Variants in PTPRZ1 observed in about 807,000 individuals in gnomAD.
PTPRZ1 encodes protein tyrosine phosphatase receptor type Z1, also known as receptor-type tyrosine-protein phosphatase zeta.
Under a neutral mutation model 214.1 loss-of-function variants are expected in PTPRZ1, and 82 were observed. The ratio of observed to expected loss-of-function variants is 0.38; its 90% CI spans 0.32 to 0.46. PTPRZ1 has a LOEUF of 0.46. Ranked by LOEUF, PTPRZ1 falls within the 20% of genes least tolerant of loss-of-function variation. The probability of loss-of-function intolerance (pLI) is 1.00; values close to 1 mark genes in which losing one functional copy is unlikely to be tolerated. For missense variants in PTPRZ1, 2,603 were observed against 2,748.7 expected, an observed-to-expected ratio of 0.95 and a Z score of 1.19; for synonymous variants, 945 against 987.9, an observed-to-expected ratio of 0.96 and a Z score of 0.81.
intron 4 of PTPRZ1, among the ~76,000 whole-genome samples, chr7:121,975,100 T>C (rs1400836882): frequency 6.6e-6 from 1 of 152,032 alleles, no homozygotes; most frequent in Non-Finnish European, 1.5e-5. Flanking sequence ...GGTAGGAGGA[T>C]CACTTAAGCC....
intron 2 of PTPRZ1, among the ~76,000 whole-genome samples, chr7:121,967,345 T>C (rs1264713210): frequency 6.6e-6 from 1 of 152,160 alleles, no homozygotes; most frequent in Non-Finnish European, 1.5e-5. Flanking sequence ...AGCCTGATGA[T>C]TATGTTTTTG....
At chr7:121,998,801 G>A (rs188043311) in intron 10 of PTPRZ1, among the ~76,000 whole-genome samples, 51 of 152,080 alleles carry the variant, frequency 3.4e-4, no homozygotes, top group Middle Eastern at 3.4e-3. Flanking sequence ...AAATACATAC[G>A]TAAATATATA....
intron 1 of PTPRZ1, among the ~76,000 whole-genome samples, chr7:121,901,899 T>C (rs768618689): frequency 2.6e-5 from 4 of 152,158 alleles, no homozygotes; most frequent in Admixed American, 6.6e-5. Context: ...AAGAATACAA[T>C]ACATTATTGT....
intron 1 of PTPRZ1, among the ~76,000 whole-genome samples, chr7:121,890,250 C>G (rs978079806): frequency 4.6e-5 from 7 of 152,168 alleles, no homozygotes; most frequent in Non-Finnish European, 1.5e-5. Context: ...CCTCCCATCC[C>G]AACTCCTACT....
intron 2 of PTPRZ1, among the ~76,000 whole-genome samples, chr7:121,951,584 T>C (rs1796542703): frequency 6.6e-6 from 1 of 152,202 alleles, no homozygotes. Context: ...CCTTCCTCAG[T>C]ATTAATGAGT....
intron 1 of PTPRZ1, among the ~76,000 whole-genome samples, chr7:121,909,141 T>A (rs1795199646): frequency 6.6e-6 from 1 of 152,204 alleles, no homozygotes; most frequent in Non-Finnish European, 1.5e-5. Flanking sequence ...GACAAAGTTA[T>A]TTTTAGCCTA....
chr7:121,921,939 G>A (rs1301698774), intron 1 of PTPRZ1, among the ~76,000 whole-genome samples: 1 of 152,182 alleles, frequency 6.6e-6, no homozygotes, highest in Non-Finnish European at 1.5e-5. Context: ...GTCGTTGCAT[G>A]TATACTGAAT....
intron 23 of PTPRZ1, among the ~76,000 whole-genome samples, chr7:122,046,488 G>A (rs573490806): frequency 2.4e-4 from 36 of 152,272 alleles, no homozygotes; most frequent in African/African-American, 8.7e-4. Context: ...ACAGGATGCT[G>A]TAGGAGTACA....
At chr7:121,893,795 A>T (rs1297365747) in intron 1 of PTPRZ1, among the ~76,000 whole-genome samples, 1 of 152,180 alleles carries the variant, frequency 6.6e-6, no homozygotes, top group African/African-American at 2.4e-5. Flanking sequence ...CAACTTCTTA[A>T]TGATAGCCAA....
chr7:121,874,111 T>C (rs985231112), intron 1 of PTPRZ1, among the ~76,000 whole-genome samples: 1 of 151,316 alleles, frequency 6.6e-6, no homozygotes, highest in Non-Finnish European at 1.5e-5. Context: ...CTTTTCAGGG[T>C]TTTTTTTATT....
At chr7:121,950,520 C>T (rs1180131617) in intron 2 of PTPRZ1, among the ~76,000 whole-genome samples, 3 of 152,168 alleles carry the variant, frequency 2.0e-5, no homozygotes, top group Admixed American at 6.5e-5. Context: ...CAGAAACTGC[C>T]ATGTCTTCTC....
intron 29 of PTPRZ1, 104 bp from the exon 30 acceptor site, chr7:122,060,976 T>G (rs571306336): frequency 8.7e-7 from 1 of 1,148,504 alleles, no homozygotes; most frequent in Admixed American, 3.0e-5. Flanking sequence ...CACATTGCCC[T>G]TTCATGAACA....
chr7:121,960,528 TTATTA>T (rs1313669526), intron 2 of PTPRZ1, among the ~76,000 whole-genome samples: 1 of 152,214 alleles, frequency 6.6e-6, no homozygotes, highest in Non-Finnish European at 1.5e-5. Context: ...ATTGAGATTT[TTATTA>T]TATATCTATT....
At chr7:121,976,060 T>C in intron 4 of PTPRZ1, 113 bp from the exon 5 acceptor site, 1 of 616,176 alleles carries the variant, frequency 1.6e-6, no homozygotes. Context: ...GCAAATGTAG[T>C]TGTATACATG....
intron 1 of PTPRZ1, among the ~76,000 whole-genome samples, chr7:121,875,646 TG>T (rs1794034452): frequency 2.0e-5 from 3 of 152,264 alleles, no homozygotes; most frequent in African/African-American, 7.2e-5. Context: ...TTGTTGAGAC[TG>T]GAAGGTGACT....
chr7:122,058,328 C>G (rs1471871922), intron 27 of PTPRZ1, among the ~76,000 whole-genome samples: 1 of 151,936 alleles, frequency 6.6e-6, no homozygotes, highest in African/African-American at 2.4e-5. Flanking sequence ...AATTGGGATC[C>G]GAGTTGAACC....
intron 1 of PTPRZ1, among the ~76,000 whole-genome samples, chr7:121,906,423 T>G (rs1202347744): frequency 6.6e-6 from 1 of 152,174 alleles, no homozygotes; most frequent in East Asian, 1.9e-4. Flanking sequence ...ACTAATGTAC[T>G]AAAGGCTAAA....
At chr7:121,944,646 A>ATTT (rs67672769) in intron 2 of PTPRZ1, among the ~76,000 whole-genome samples, 6,003 of 150,658 alleles carry the variant, frequency 0.04, 138 homozygotes, top group East Asian at 0.084. Flanking sequence ...TACAGATTAC[A>ATTT]TTTTTTTTTT....
At chr7:122,045,666 C>A (rs985822027) in intron 23 of PTPRZ1, among the ~76,000 whole-genome samples, 7 of 142,290 alleles carry the variant, frequency 4.9e-5, no homozygotes, top group South Asian at 2.3e-4. Context: ...GTAAAGATAT[C>A]TTTTCCCTAA....
Sources: gnomAD v4.1 joint callset for allele counts (sites outside exome capture counted in the v4.1 genomes callset) on GRCh38, gnomAD v4.1.1 for gene constraint, MANE v1.5 for transcripts, NCBI Gene and HGNC (gene_info 2026-07-23, HGNC 2026-07-21) for gene names.